Variants in RERE observed in about 807,000 individuals in gnomAD.
RERE encodes the protein arginine-glutamic acid dipeptide repeats protein.
In RERE, 40 loss-of-function variants were observed where a neutral mutation model predicts 146.1. The ratio of observed to expected loss-of-function variants is 0.27; its 90% CI spans 0.21 to 0.36. The LOEUF is 0.36. RERE is among the 10% of genes least tolerant of loss of function. The probability of loss-of-function intolerance (pLI) is 1.00; values close to 1 mark genes in which losing one functional copy is unlikely to be tolerated. For synonymous variants in RERE, 1,003 were observed against 866.0 expected (o/e 1.16, Z -2.78); for missense variants, 1,933 against 2,138.7 (o/e 0.90, Z 1.90).
chr1:8,788,357 AAGG>A (rs1013575910), intron 1 of RERE, among the ~76,000 whole-genome samples: 9 of 151,778 alleles, frequency 5.9e-5, no homozygotes, highest in African/African-American at 1.5e-4. Context: ...GGTGTTTATC[AAGG>A]AGTTTTTTTT....
chr1:8,663,182 T>C (rs533938834), intron 1 of RERE, among the ~76,000 whole-genome samples: 1 of 152,098 alleles, frequency 6.6e-6, no homozygotes, highest in African/African-American at 2.4e-5. Context: ...ATTAAAAATA[T>C]TTCCTCTTGG....
At chr1:8,540,696 T>C (rs1389756702) in intron 7 of RERE, among the ~76,000 whole-genome samples, 2 of 152,230 alleles carry the variant, frequency 1.3e-5, no homozygotes, top group East Asian at 3.8e-4. Context: ...TACATAGATC[T>C]TACCAAGATG....
At chr1:8,532,118 G>C (rs939601520) in intron 7 of RERE, among the ~76,000 whole-genome samples, 5 of 152,042 alleles carry the variant, frequency 3.3e-5, no homozygotes, top group South Asian at 2.1e-4. Flanking sequence ...TCTATATGTC[G>C]AAGAGGCAAC....
intron 7 of RERE, among the ~76,000 whole-genome samples, chr1:8,532,635 C>T (rs1183492417): frequency 6.6e-6 from 1 of 151,952 alleles, no homozygotes; most frequent in East Asian, 1.9e-4. Flanking sequence ...GCTCTTGTTG[C>T]CCAGGCTGGA....
At chr1:8,437,994 A>G (rs1470226604) in intron 11 of RERE, among the ~76,000 whole-genome samples, 2 of 151,004 alleles carry the variant, frequency 1.3e-5, no homozygotes. Context: ...ATTATTTATT[A>G]TTATTTTTAG....
chr1:8,446,953 A>G (rs906169863), intron 11 of RERE, among the ~76,000 whole-genome samples: 2 of 151,942 alleles, frequency 1.3e-5, no homozygotes, highest in African/African-American at 4.8e-5. Context: ...TGCTGGGATT[A>G]TAGGCGTGAG....
intron 7 of RERE, 91 bp downstream of exon 7, chr1:8,541,123 A>C: frequency 1.5e-6 from 1 of 645,592 alleles, no homozygotes; most frequent in Non-Finnish European, 2.6e-6. Flanking sequence ...TATGTCCAGA[A>C]GCATAAACTA....
At chr1:8,810,820 T>C (rs1641791846) in intron 1 of RERE, among the ~76,000 whole-genome samples, 1 of 152,068 alleles carries the variant, frequency 6.6e-6, no homozygotes. Context: ...TATAAACGTA[T>C]TTCACCCCAC....
chr1:8,533,044 C>A (rs1412047406), intron 7 of RERE, among the ~76,000 whole-genome samples: 1 of 152,172 alleles, frequency 6.6e-6, no homozygotes, highest in Admixed American at 6.5e-5. Flanking sequence ...ATTTATTTTT[C>A]TTTTCGGTCT....
intron 1 of RERE, among the ~76,000 whole-genome samples, chr1:8,710,974 T>C (rs533604178): frequency 2.6e-5 from 4 of 151,834 alleles, no homozygotes; most frequent in African/African-American, 9.7e-5. Context: ...CTGACCAACA[T>C]GGCAACACCC....
chr1:8,662,995 T>C (rs1638490691), intron 1 of RERE, among the ~76,000 whole-genome samples: 1 of 152,222 alleles, frequency 6.6e-6, no homozygotes. Context: ...CAATAATATG[T>C]ATTTATTTCA....
intron 2 of RERE, among the ~76,000 whole-genome samples, chr1:8,647,678 T>TCC (rs1404214314): frequency 4.0e-5 from 6 of 150,218 alleles, no homozygotes; most frequent in African/African-American, 1.2e-4. Context: ...TGTGTGTGTG[T>TCC]CCCCTGGAAC....
chr1:8,590,560 G>A lies in RERE; in HGVS notation c.522+24001C>T, dbSNP rs148640186. ...AAATGGAAATGCAGTGCGGCCCACCGGTCATGTTCCCTCAAAGGCCAAGTT... is the reference window on the plus strand; with the variant it reads ...AAATGGAAATGCAGTGCGGCCCACCAGTCATGTTCCCTCAAAGGCCAAGTT... On this transcript the variant is annotated intron_variant, in intron 4 of 22. Coordinates refer to ENST00000400908, the MANE Select transcript of RERE (RefSeq NM_001042681.2). Among the ~76,000 whole-genome samples the A allele has an allele frequency of 2.2e-3, 342 of 152,226 alleles. 1 individual carries two copies. Among genetic ancestry groups the A allele is most frequent in the African/African-American group, 7.9e-3 (328 of 41,520 alleles).
At chr1:8,450,978 C>T (rs1420383196) in intron 11 of RERE, among the ~76,000 whole-genome samples, 1 of 152,308 alleles carries the variant, frequency 6.6e-6, no homozygotes, top group African/African-American at 2.4e-5. Context: ...AGATGTGAAA[C>T]TACAGATTTT....
chr1:8,635,094 T>C (rs1647081261), intron 2 of RERE, among the ~76,000 whole-genome samples: 1 of 152,194 alleles, frequency 6.6e-6, no homozygotes, highest in South Asian at 2.1e-4. Flanking sequence ...TGACAATAAA[T>C]ATTGAGACCT....
intron 7 of RERE, among the ~76,000 whole-genome samples, chr1:8,523,704 C>T (rs1645535574): frequency 6.6e-6 from 1 of 151,812 alleles, no homozygotes; most frequent in South Asian, 2.1e-4. Flanking sequence ...TAGACAAATT[C>T]GACTCTTAAC....
rs1293451511 is a variant in RERE, at chr1:8,656,313, T to G, written c.-16A>C. The G allele has an allele frequency of 1.2e-6, 2 of 1,609,990 alleles. No homozygotes were observed. Among genetic ancestry groups the G allele is most frequent in the East Asian group, 2.2e-5 (1 of 44,848 alleles). On this transcript the variant is annotated 5_prime_UTR_variant, in exon 2 of 23. Coordinates refer to ENST00000400908, the MANE Select transcript of RERE (RefSeq NM_001042681.2). ...CCGCTGTCATGATTCGCCACGTGCC[T>G]TCTTCTGTCCTCTCACGGCTAGGCC...
At position 8,495,153 on chromosome 1, in the gene RERE, C is replaced by T. The variant is rs765064966; in HGVS notation, c.1014G>A (p.Ala338=). The change falls in exon 10 of 23, where the codon GCG becomes GCA. Residue 338 remains alanine, a synonymous_variant. Transcript: ENST00000400908. ...CTCCATCACACATTCCTGCAAATGC[C>T]GCCATGCTCCTTCAGAAGAAAAGGT... ...LMYLRAARSM[A]AFAGMCDGGS... is the part of the protein sequence containing the mutation. 84 of 1,613,022 alleles carry T rather than the reference C, an allele frequency of 5.2e-5. No individual in the cohort carries two copies. The highest frequency in any genetic ancestry group is 6.4e-5 in the Non-Finnish European group (76 of 1,179,206).
intron 4 of RERE, among the ~76,000 whole-genome samples, chr1:8,601,778 A>G (rs200091363): frequency 2.4e-5 from 2 of 83,198 alleles, no homozygotes; most frequent in East Asian, 3.9e-4. Context: ...CACACACACA[A>G]ACACACACAC....
Sources: gnomAD v4.1 joint callset for allele counts (sites outside exome capture counted in the v4.1 genomes callset) on GRCh38, gnomAD v4.1.1 for gene constraint, MANE v1.5 for transcripts, NCBI Gene and HGNC (gene_info 2026-07-23, HGNC 2026-07-21) for gene names.